XPO4: variants seen among roughly 807,000 people sequenced by gnomAD.
The protein encoded by XPO4 is exportin 4, also known as exportin-4.
A neutral mutation model predicts 143.0 loss-of-function variants in XPO4; 39 were observed. That is an observed-to-expected ratio of 0.27 (90% confidence interval 0.21 to 0.36). XPO4 has a LOEUF of 0.36. Ranked by LOEUF, XPO4 falls within the 10% of genes least tolerant of loss-of-function variation. The pLI is 1.00. For missense variants in XPO4, 907 were observed against 1,348.0 expected (o/e 0.67, Z 5.12); for synonymous variants, 439 against 474.0 (o/e 0.93, Z 0.96).
chr13:20,899,660 G>T (rs1464277288), intron 1 of XPO4, among the ~76,000 whole-genome samples: 1 of 152,146 alleles, frequency 6.6e-6, no homozygotes, highest in Non-Finnish European at 1.5e-5. Context: ...TGTACCAAAA[G>T]ATCTAAGATT....
rs549185467 is a variant in XPO4, at chr13:20,808,510, G to T, written c.1565C>A (p.Pro522Gln). 6.4e-7 allele frequency: 1 copy of T among 1,572,472 alleles called. No individual in the cohort carries two copies. The highest frequency in any genetic ancestry group is 8.7e-7 in the Non-Finnish European group (1 of 1,149,920). Residue 522 changes from proline (P) to glutamine (Q), a missense_variant, in exon 12 of 23, where the codon CCG becomes CAG. Physicochemically the swap from Pro to Gln is moderately conservative, Grantham distance 76. Transcript: ENST00000255305. ...QRHQQQLLAS[P>Q]GSSTVDNKML... ...TTTGTTGTCAACAGTGCTTGAACCC[G>T]GTGAAGCAAGTAACTGTTGCTGATG...
At chr13:20,796,405 G>T in intron 17 of XPO4, 149 bp from the exon 18 acceptor site, 1 of 664,014 alleles carries the variant, frequency 1.5e-6, no homozygotes, top group South Asian at 4.8e-5. Context: ...TTTCTAGAAA[G>T]CATATATTAA....
intron 2 of XPO4, among the ~76,000 whole-genome samples, chr13:20,863,442 T>C (rs2060218948): frequency 6.6e-6 from 1 of 152,234 alleles, no homozygotes; most frequent in South Asian, 2.1e-4. Flanking sequence ...GTGAATTTTC[T>C]GATTGCAGTA....
chr13:20,781,541 G>A lies in XPO4; in HGVS notation c.*2181C>T, dbSNP rs1028148456. On this transcript the variant is annotated 3_prime_UTR_variant, in exon 23 of 23. Coordinates refer to ENST00000255305, the MANE Select transcript of XPO4 (RefSeq NM_022459.5). ...AATTACACCTCAGGAATATGGAGGT[G>A]AAATTTTCTATTTTTAGTATTGTAA... The A allele has an allele frequency of 4.6e-5, 7 of 152,752 alleles. 1 individual carries two copies. Among genetic ancestry groups the A allele is most frequent in the Admixed American group, 4.6e-4 (7 of 15,296 alleles). The allele number at this position is 152,752 out of a possible 1,614,324, so 9.5% of individuals were successfully genotyped here.
Position 20,790,520 on chromosome 13 carries a change from T to A in XPO4, c.2858A>T (p.Asp953Val), listed in dbSNP as rs746026488. 1.2e-6 allele frequency: 2 copies of A among 1,614,184 alleles called. No individual in the cohort carries two copies. The highest frequency in any genetic ancestry group is 2.2e-5 in the East Asian group (1 of 44,880). The change falls in exon 19 of 23, where the codon GAT becomes GTT. Residue 953 changes from aspartate to valine, a missense_variant. Physicochemically the swap from Asp to Val is radical, Grantham distance 152. Transcript: ENST00000255305. ...QAANRSVSAADVVLYGVNLIL... is the reference protein window; with the variant it reads ...QAANRSVSAAVVVLYGVNLIL... The stretch of plus-strand genomic sequence containing the variant: ...TAGGTTTACTCCATACAACACAACA[T>A]CCGCTGCTGACACAGATCTGTTTGC...
At chr13:20,804,559 G>A (rs975248484) in intron 13 of XPO4, among the ~76,000 whole-genome samples, 3 of 152,062 alleles carry the variant, frequency 2.0e-5, no homozygotes, top group African/African-American at 7.3e-5. Context: ...AGGGGAACCA[G>A]GAGCTCCTAT....
rs76608841 is a variant in XPO4 at position 20,821,796 on chromosome 13, T to C, written c.1081A>G (p.Thr361Ala). The C allele has an allele frequency of 1.7e-5, 28 of 1,613,988 alleles. No individual in the cohort carries two copies. The highest frequency in any genetic ancestry group is 2.3e-5 in the Non-Finnish European group (27 of 1,179,982). Reference sequence around the variant, plus strand: ...GAGAAAAGTTCACTTGGAATGGCAGTTAAAACATTTCGTGGGAACACGGTT... The same window carrying C: ...GAGAAAAGTTCACTTGGAATGGCAGCTAAAACATTTCGTGGGAACACGGTT... ...LITVFPRNVL[T>A]AIPSELFSSF... is the part of the protein sequence containing the mutation. Residue 361 changes from threonine to alanine, a missense_variant, in exon 9 of 23, where the codon ACT (threonine) becomes GCT (alanine). Physicochemically the swap from Thr to Ala is moderately conservative, Grantham distance 58. Transcript: ENST00000255305.
chr13:20,825,015 A>G (rs943214602), intron 7 of XPO4, among the ~76,000 whole-genome samples: 2 of 152,226 alleles, frequency 1.3e-5, no homozygotes, highest in Non-Finnish European at 2.9e-5. Flanking sequence ...AGAGAGCCAC[A>G]GGAAAGTGTA....
intron 19 of XPO4, among the ~76,000 whole-genome samples, chr13:20,789,811 C>T (rs1272067238): frequency 6.6e-6 from 1 of 152,098 alleles, no homozygotes; most frequent in East Asian, 1.9e-4. Flanking sequence ...CAAACTCCTC[C>T]TTTCCTTTCC....
intron 2 of XPO4, chr13:20,868,388 G>A (rs2060263094): frequency 4.2e-6 from 3 of 712,990 alleles, no homozygotes; most frequent in Non-Finnish European, 6.0e-6. Flanking sequence ...TATATCTAGG[G>A]GGGAAAAATC....
intron 4 of XPO4, among the ~76,000 whole-genome samples, chr13:20,846,194 G>C (rs2060027100): frequency 6.6e-6 from 1 of 152,100 alleles, no homozygotes; most frequent in Admixed American, 6.5e-5. Flanking sequence ...CCACAAAATG[G>C]CTTATTTTAA....
At chr13:20,825,599 T>C (rs1184037667) in intron 7 of XPO4, among the ~76,000 whole-genome samples, 2 of 152,342 alleles carry the variant, frequency 1.3e-5, no homozygotes, top group East Asian at 1.9e-4. Flanking sequence ...TGTTCAGATC[T>C]GGTAGAGTTG....
intron 1 of XPO4, among the ~76,000 whole-genome samples, chr13:20,898,754 G>C (rs1013297291): frequency 1.3e-5 from 2 of 152,120 alleles, no homozygotes; most frequent in South Asian, 2.1e-4. Flanking sequence ...GACTGCAAAT[G>C]AATGTGGCAT....
intron 6 of XPO4, among the ~76,000 whole-genome samples, chr13:20,830,232 G>A (rs917115063): frequency 1.3e-5 from 2 of 152,064 alleles, no homozygotes; most frequent in Non-Finnish European, 2.9e-5. Context: ...ACGTGGCCAC[G>A]AGCATGGGAG....
chr13:20,866,474 A>G (rs2060246492), intron 2 of XPO4: 1 of 810,986 alleles, frequency 1.2e-6, no homozygotes, highest in Non-Finnish European at 1.5e-6. Context: ...CAAGAATGTG[A>G]AAATTCTGAA....
At chr13:20,866,544 G>A (rs903891439) in intron 2 of XPO4, among the ~76,000 whole-genome samples, 1 of 152,204 alleles carries the variant, frequency 6.6e-6, no homozygotes, top group Non-Finnish European at 1.5e-5. Flanking sequence ...CTTCTGTGCT[G>A]GTGGCAACTG....
intron 6 of XPO4, 73 bp from the exon 7 acceptor site, chr13:20,827,252 C>A: frequency 9.5e-7 from 1 of 1,057,886 alleles, no homozygotes; most frequent in Non-Finnish European, 1.5e-6. Context: ...CTAAATATAA[C>A]AGGAGCCATC....
chr13:20,894,117 C>T (rs899463245), intron 1 of XPO4, among the ~76,000 whole-genome samples: 1 of 152,174 alleles, frequency 6.6e-6, no homozygotes, highest in Non-Finnish European at 1.5e-5. Flanking sequence ...GCTGGGATTA[C>T]AGGTGTAAGC....
intron 5 of XPO4, among the ~76,000 whole-genome samples, chr13:20,843,420 TA>T (rs1385364623): frequency 1.3e-5 from 2 of 152,188 alleles, no homozygotes; most frequent in African/African-American, 4.8e-5. Context: ...CCATCTGCAA[TA>T]ACATTTGAAA....
Sources: gnomAD v4.1 joint callset for allele counts (sites outside exome capture counted in the v4.1 genomes callset) on GRCh38, gnomAD v4.1.1 for gene constraint, MANE v1.5 for transcripts, NCBI Gene and HGNC (gene_info 2026-07-23, HGNC 2026-07-21) for gene names.